Variants in SMAD3 observed in about 807,000 individuals in gnomAD.
The protein encoded by SMAD3 is SMAD family member 3, also known as MAD homolog 3.
Under a neutral mutation model 51.8 loss-of-function variants are expected in SMAD3, and 12 were observed. That is an observed-to-expected ratio of 0.23 (90% CI 0.15 to 0.38). The LOEUF is 0.38. Ranked by LOEUF, SMAD3 falls within the 10% of genes least tolerant of loss-of-function variation. SMAD3 has a pLI of 1.00. For missense variants in SMAD3, 294 were observed against 565.6 expected (o/e 0.52, Z 4.87); for synonymous variants, 238 against 227.7 (o/e 1.05, Z -0.41).
chr15:67,132,676 C>G (rs553398467), intron 1 of SMAD3, among the ~76,000 whole-genome samples: 3 of 152,284 alleles, frequency 2.0e-5, no homozygotes, highest in African/African-American at 7.2e-5. Context: ...GTGAACTCAC[C>G]AATAGGTTTG....
chr15:67,088,262 C>T (rs930691390), intron 1 of SMAD3, among the ~76,000 whole-genome samples: 3 of 152,108 alleles, frequency 2.0e-5, no homozygotes, highest in African/African-American at 4.8e-5. Flanking sequence ...TGATGCTAAA[C>T]GGCTTTCCCG....
At chr15:67,075,639 G>T (rs1200731141) in intron 1 of SMAD3, among the ~76,000 whole-genome samples, 1 of 152,196 alleles carries the variant, frequency 6.6e-6, no homozygotes, top group East Asian at 1.9e-4. Context: ...AAGTGGCCGG[G>T]CACGGTGGCT....
chr15:67,152,682 A>G (rs1354717756), intron 1 of SMAD3, among the ~76,000 whole-genome samples: 1 of 152,222 alleles, frequency 6.6e-6, no homozygotes, highest in Non-Finnish European at 1.5e-5. Flanking sequence ...CACCCAGAAG[A>G]TTCTGTGAAG....
chr15:67,068,843 T>C lies in SMAD3; in HGVS notation c.206+2483T>C, dbSNP rs759606305. Among the ~76,000 whole-genome samples, 4 of 152,320 alleles carry C rather than the reference T, an allele frequency of 2.6e-5. No individual in the cohort carries two copies. In the East Asian group the frequency reaches 7.7e-4, roughly 29 times the overall value. The stretch of plus-strand genomic sequence containing the variant: ...CTGGTTTGGCCCTGTGCTGGTGATA[T>C]CAATGTGTCTGCTAAGCCCCATAGA... On this transcript the variant is annotated intron_variant, in intron 1 of 8. Transcript: ENST00000327367.
At chr15:67,067,470 TG>T (rs1196924808) in intron 1 of SMAD3, among the ~76,000 whole-genome samples, 38 of 152,230 alleles carry the variant, frequency 2.5e-4, no homozygotes, top group Non-Finnish European at 2.9e-5. Context: ...CTGGCTCTTT[TG>T]GGGGTCCCAG....
At chr15:67,186,968 G>A (rs1360252035) in intron 7 of SMAD3, 2 of 433,366 alleles carry the variant, frequency 4.6e-6, no homozygotes, top group Non-Finnish European at 9.2e-6. Flanking sequence ...CACAGCATGG[G>A]CAACCTGGCC....
intron 1 of SMAD3, among the ~76,000 whole-genome samples, chr15:67,103,807 A>T (rs1195342302): frequency 1.3e-5 from 2 of 152,190 alleles, no homozygotes; most frequent in Non-Finnish European, 2.9e-5. Context: ...CGGCTTTGAC[A>T]TTACCGTGAG....
intron 1 of SMAD3, among the ~76,000 whole-genome samples, chr15:67,150,816 TTTTA>T (rs1301254822): frequency 1.5e-5 from 2 of 132,918 alleles, no homozygotes; most frequent in Admixed American, 8.1e-5. Context: ...TTTTTTTTTT[TTTTA>T]TTAAGAGAGC....
chr15:67,098,235 G>A (rs1470063495), intron 1 of SMAD3, among the ~76,000 whole-genome samples: 1 of 149,616 alleles, frequency 6.7e-6, no homozygotes, highest in East Asian at 2.0e-4. Flanking sequence ...TTGGGCCTCA[G>A]TTCATCATCT....
intron 1 of SMAD3, among the ~76,000 whole-genome samples, chr15:67,121,803 C>T (rs1374464377): frequency 1.3e-5 from 2 of 152,158 alleles, no homozygotes; most frequent in Admixed American, 1.3e-4. Context: ...ACTGATAGGA[C>T]CTCTGCATAT....
At chr15:67,158,832 A>C (rs1962351081) in intron 1 of SMAD3, among the ~76,000 whole-genome samples, 1 of 152,192 alleles carries the variant, frequency 6.6e-6, no homozygotes, top group South Asian at 2.1e-4. Context: ...AAGGCAGGGA[A>C]AGAGATGTGT....
rs1033822196 is a variant in SMAD3 at position 67,150,513 on chromosome 15, C to G, written c.207-14382C>G. ...GAAAGAAAGAAAGTAAATCCCACCCCCAAGCGTGCAGTCTGCCCACAGGAA... is the reference window on the plus strand; with the variant it reads ...GAAAGAAAGAAAGTAAATCCCACCCGCAAGCGTGCAGTCTGCCCACAGGAA... On this transcript the variant is annotated intron_variant, in intron 1 of 8. Transcript: ENST00000327367. Among the ~76,000 whole-genome samples, 11 of 152,264 alleles carry G rather than the reference C, an allele frequency of 7.2e-5. No homozygotes were observed. The South Asian group carries it at 1.0e-3, about 14-fold the overall frequency.
intron 1 of SMAD3, among the ~76,000 whole-genome samples, chr15:67,099,497 T>C (rs1960701699): frequency 6.6e-6 from 1 of 152,234 alleles, no homozygotes; most frequent in Admixed American, 6.5e-5. Context: ...GAAGAAGGGT[T>C]CCAGTGTTTT....
At chr15:67,146,745 A>G (rs1487328691) in intron 1 of SMAD3, among the ~76,000 whole-genome samples, 1 of 152,176 alleles carries the variant, frequency 6.6e-6, no homozygotes, top group Non-Finnish European at 1.5e-5. Context: ...CTTCAGGGTC[A>G]GACTTTAAGG....
chr15:67,119,306 G>T (rs1214723490), intron 1 of SMAD3, among the ~76,000 whole-genome samples: 1 of 152,238 alleles, frequency 6.6e-6, no homozygotes, highest in African/African-American at 2.4e-5. Context: ...GTAACCTGGA[G>T]GCCACTAGGT....
intron 1 of SMAD3, among the ~76,000 whole-genome samples, chr15:67,086,507 T>C (rs977094466): frequency 3.3e-5 from 5 of 152,120 alleles, no homozygotes; most frequent in African/African-American, 1.2e-4. Flanking sequence ...GGATCCTTAA[T>C]TGGTGTGAAA....
chr15:67,069,970 C>T (rs919354412), intron 1 of SMAD3, among the ~76,000 whole-genome samples: 1 of 152,182 alleles, frequency 6.6e-6, no homozygotes, highest in Non-Finnish European at 1.5e-5. Context: ...TGCCAAAGTG[C>T]TGGGATTACA....
chr15:67,086,246 T>C (rs1412143150), intron 1 of SMAD3, among the ~76,000 whole-genome samples: 1 of 152,144 alleles, frequency 6.6e-6, no homozygotes, highest in Non-Finnish European at 1.5e-5. Flanking sequence ...CTAGGGGCTG[T>C]GAAGGCTGTA....
At chr15:67,125,801 C>T in intron 1 of SMAD3, 2 of 985,488 alleles carry the variant, frequency 2.0e-6, no homozygotes, top group Non-Finnish European at 2.4e-6. Flanking sequence ...CACTGCTGGG[C>T]TGAAGCGCAC....
Sources: allele counts gnomAD v4.1 joint callset (sites outside exome capture counted in the v4.1 genomes callset), GRCh38; gene constraint gnomAD v4.1.1; transcripts MANE v1.5; gene names NCBI Gene and HGNC (gene_info 2026-07-23, HGNC 2026-07-21).